The following NCBP1 variants were observed in gnomAD, a reference collection of about 807,000 sequenced individuals.
The protein encoded by NCBP1 is nuclear cap-binding protein subunit 1.
Under a neutral mutation model 111.7 loss-of-function variants are expected in NCBP1, and 16 were observed. The ratio of observed to expected loss-of-function variants is 0.14; its 90% confidence interval spans 0.10 to 0.22. The LOEUF is 0.22. NCBP1 is among the 10% of genes least tolerant of loss of function. The pLI is 1.00. For missense variants in NCBP1, 607 were observed against 957.5 expected (o/e 0.63, Z 4.83); for synonymous variants, 304 against 314.3 (o/e 0.97, Z 0.35).
In NCBP1 at chr9:97,672,731, A is replaced by T. The variant is rs778814508; in HGVS notation, c.*1532A>T. ...GTCTTCCTCAGCCTGCTCAACGTGA[A>T]GATGATGAGGATGAAGACCTTTATG... On this transcript the variant is annotated 3_prime_UTR_variant, in exon 23 of 23. Coordinates refer to ENST00000375147, the MANE Select transcript of NCBP1 (RefSeq NM_002486.5). The T allele has an allele frequency of 4.4e-5, 8 of 180,086 alleles. No homozygotes were observed. The highest frequency in any genetic ancestry group is 1.6e-4 in the East Asian group (1 of 6,118). 11.2% of individuals were successfully genotyped at this position (180,086 alleles called of 1,614,324 possible). A position where few individuals can be genotyped will look rare whatever the true frequency, so the allele number is the denominator to read the frequency against.
chr9:97,663,084 T>C, intron 18 of NCBP1, 37 bp downstream of exon 18: 3 of 1,469,780 alleles, frequency 2.0e-6, no homozygotes, highest in Non-Finnish European at 2.8e-6. Context: ...GAAGCTCTGA[T>C]TGTATGGGTA....
intron 1 of NCBP1, among the ~76,000 whole-genome samples, chr9:97,640,400 A>G (rs1349142600): frequency 6.6e-6 from 1 of 152,176 alleles, no homozygotes; most frequent in Non-Finnish European, 1.5e-5. Flanking sequence ...CAGGTTTCGG[A>G]ACAAGCAACT....
Position 97,655,741 on chromosome 9 carries a change from G to A in NCBP1, c.1275G>A (p.Gln425=). 1 of 1,612,838 alleles carries A rather than the reference G, an allele frequency of 6.2e-7. No individual in the cohort carries two copies. The highest frequency in any genetic ancestry group is 8.5e-7 in the Non-Finnish European group (1 of 1,179,640). ...TTTCTCATCATCTAAGTAACTTCCA[G>A]TTCCGTTGGAGCTGGGAAGATTGGT... ...NWFSHHLSNF[Q]FRWSWEDWSD... Residue 425 remains glutamine, a synonymous_variant, in exon 13 of 23, where the codon CAG becomes CAA. Transcript: ENST00000375147.
chr9:97,654,827 C>T lies in NCBP1; in HGVS notation c.1171-53C>T, dbSNP rs1004451067. ...GTTTTATTTCTATTCTTGTCTATTA[C>T]AACTTATTTGGGATAAAAGTGGAGA... On this transcript the variant is annotated intron_variant, in intron 11 of 22. Coordinates refer to ENST00000375147, the MANE Select transcript of NCBP1 (RefSeq NM_002486.5). 15 of 1,473,076 alleles carry T rather than the reference C, an allele frequency of 1.0e-5. No individual in the cohort carries two copies. The Admixed American group carries it at 2.5e-4, about 25-fold the overall frequency. 91.3% of individuals were successfully genotyped at this position (1,473,076 alleles called of 1,614,324 possible).
intron 4 of NCBP1, among the ~76,000 whole-genome samples, chr9:97,644,790 A>C (rs950702464): frequency 4.6e-5 from 7 of 152,208 alleles, no homozygotes; most frequent in Non-Finnish European, 1.0e-4. Flanking sequence ...ACAACTTCTC[A>C]ATTCTGCCAT....
intron 1 of NCBP1, among the ~76,000 whole-genome samples, chr9:97,637,402 A>G (rs1827074470): frequency 6.6e-6 from 1 of 152,240 alleles, no homozygotes; most frequent in African/African-American, 2.4e-5. Flanking sequence ...TTAAGAAAGT[A>G]TTTAGATTGT....
chr9:97,665,141 C>G (rs750758471), intron 19 of NCBP1, among the ~76,000 whole-genome samples: 1 of 152,332 alleles, frequency 6.6e-6, no homozygotes, highest in African/African-American at 2.4e-5. Flanking sequence ...TCCACTGTAT[C>G]TGTTACTGCC....
chr9:97,654,024 G>GTTGTGTGTGTGTATTACATGTATGTAC (rs1827570896), intron 11 of NCBP1, 116 bp downstream of exon 11: 1 of 775,672 alleles, frequency 1.3e-6, no homozygotes, highest in Non-Finnish European at 2.1e-6. Context: ...TTTGAAGTGT[G>GTTGTGTGTGTGTATTACATGTATGTAC]TTGTGTGTGT....
chr9:97,635,047 C>A (rs1040034365), intron 1 of NCBP1, among the ~76,000 whole-genome samples: 4 of 152,208 alleles, frequency 2.6e-5, no homozygotes, highest in Non-Finnish European at 5.9e-5. Flanking sequence ...AAACCCATAA[C>A]AGACATTTTA....
rs143244138 is a variant in NCBP1 at position 97,645,148 on chromosome 9, A to G, written c.413A>G (p.His138Arg). 1.2e-5 allele frequency: 20 copies of G among 1,613,474 alleles called. No individual in the cohort carries two copies. The highest frequency in any genetic ancestry group is 2.2e-5 in the East Asian group (1 of 44,838). The change falls in exon 5 of 23, where the codon CAT (histidine) becomes CGT (arginine). Residue 138 changes from histidine to arginine, a missense_variant. His to Arg is a conservative substitution (Grantham distance 29). This residue lies in a region of NCBP1 where 185 missense variants were observed against 272.0 expected (regional missense o/e 0.68). Coordinates refer to ENST00000375147, the MANE Select transcript of NCBP1 (RefSeq NM_002486.5). ...VRFLSDLVNC[H>R]VIAAPSMVAM... ...TTTTTATCTGATCTTGTGAATTGTC[A>G]TGTGATTGCCGCCCCATCAATGGTT...
chr9:97,636,500 AT>A (rs1827031779), intron 1 of NCBP1, among the ~76,000 whole-genome samples: 1 of 30,570 alleles, frequency 3.3e-5, no homozygotes. Flanking sequence ...ATAAATTTAT[AT>A]TTATATATTA....
intron 6 of NCBP1, among the ~76,000 whole-genome samples, chr9:97,646,690 A>T (rs1827343741): frequency 2.0e-5 from 3 of 151,980 alleles, no homozygotes; most frequent in African/African-American, 7.2e-5. Flanking sequence ...TACAAAAATT[A>T]GCCGAGCGTG....
Position 97,654,901 on chromosome 9 carries a change from C to T in NCBP1, c.1192C>T (p.Leu398=). 1 of 1,613,204 alleles carries T rather than the reference C, an allele frequency of 6.2e-7. No homozygotes were observed. The highest frequency in any genetic ancestry group is 1.7e-5 in the Admixed American group (1 of 59,838). Residue 398 remains leucine, a synonymous_variant, in exon 12 of 23, where the codon CTA becomes TTA. Coordinates refer to ENST00000375147, the MANE Select transcript of NCBP1 (RefSeq NM_002486.5). The part of the protein sequence containing the change: ...PQVLAQATEM[L]YMRLDTMNTT... ...ACAGCTTGCACAGGCAACTGAAATGCTATACATGCGTTTGGACACAATGAA... is the reference window on the plus strand; with the variant it reads ...ACAGCTTGCACAGGCAACTGAAATGTTATACATGCGTTTGGACACAATGAA...
Position 97,662,068 on chromosome 9 carries a change from A to C in NCBP1, c.1627A>C (p.Lys543Gln), listed in dbSNP as rs1827855941. ...DDEGFSFNPL[K>Q]IEVFVQTLLH... ...TGAAGGATTCAGTTTTAACCCATTGAAAATAGAAGTCTTTGTACAGACTCT... is the reference window on the plus strand; with the variant it reads ...TGAAGGATTCAGTTTTAACCCATTGCAAATAGAAGTCTTTGTACAGACTCT... The change falls in exon 17 of 23, where the codon AAA becomes CAA. Residue 543 changes from lysine to glutamine, a missense_variant. Transcript: ENST00000375147. 1 of 1,613,646 alleles carries C rather than the reference A, an allele frequency of 6.2e-7. No individual in the cohort carries two copies. Among genetic ancestry groups the C allele is most frequent in the South Asian group, 1.1e-5 (1 of 91,058 alleles).
rs1331313375 is a variant in NCBP1, at chr9:97,660,936, C to T, written c.1478-10C>T. On this transcript the variant is annotated splice_polypyrimidine_tract_variant and intron_variant, in intron 15 of 22. Transcript: ENST00000375147. ...TCTGTCATTCCCCTTACCCCCAATT[C>T]TGTGTTTAGATTCTCTTCCTGGACA... is the stretch of plus-strand genomic sequence containing the variant. The T allele has an allele frequency of 6.2e-7, 1 of 1,605,470 alleles. No individual in the cohort carries two copies.
chr9:97,645,083 T>C (rs746983979), intron 4 of NCBP1, 34 bp from the exon 5 acceptor site: 1 of 1,457,014 alleles, frequency 6.9e-7, no homozygotes, highest in South Asian at 1.1e-5. Context: ...AAAGAACATT[T>C]AGGTTTAATA....
chr9:97,663,588 G>A (rs1827901904), intron 18 of NCBP1, among the ~76,000 whole-genome samples: 1 of 151,878 alleles, frequency 6.6e-6, no homozygotes, highest in South Asian at 2.1e-4. Context: ...GGGTTCAAGT[G>A]ATTCCCCTGC....
intron 13 of NCBP1, 37 bp downstream of exon 13, chr9:97,655,801 A>G: frequency 1.9e-6 from 3 of 1,543,116 alleles, no homozygotes; most frequent in East Asian, 2.3e-5. Flanking sequence ...TCTGTAGTCA[A>G]AAAACTACTA....
rs536430179 is a variant in NCBP1, at chr9:97,659,322, T to C, written c.1477+579T>C. On this transcript the variant is annotated intron_variant, in intron 15 of 22. Coordinates refer to ENST00000375147, the MANE Select transcript of NCBP1 (RefSeq NM_002486.5). ...GTTTTTCCAACTTGTTCTTTGCAGA[T>C]TACACTTAACACAGCCCCTCCATGA... Among the ~76,000 whole-genome samples, 4 of 152,316 alleles carry C rather than the reference T, an allele frequency of 2.6e-5. No individual in the cohort carries two copies. The East Asian group carries it at 7.7e-4, about 29-fold the overall frequency.
Sources: allele counts gnomAD v4.1 joint callset (sites outside exome capture counted in the v4.1 genomes callset), GRCh38; gene constraint gnomAD v4.1.1; regional missense constraint gnomAD v4.1.1; transcripts MANE v1.5; gene names NCBI Gene and HGNC (gene_info 2026-07-23, HGNC 2026-07-21).